IRAG2: variants seen among roughly 807,000 people sequenced by gnomAD.
IRAG2 encodes the protein inositol 1,4,5-triphosphate receptor associated 2.
Under a neutral mutation model 69.9 loss-of-function variants are expected in IRAG2, and 45 were observed. That is an observed-to-expected ratio of 0.64 (90% CI 0.51 to 0.83). The LOEUF is 0.83. Among genes scored for constraint, IRAG2 ranks in the 40% least tolerant of loss-of-function variants. The pLI, the probability that IRAG2 is intolerant of heterozygous loss-of-function variation, is 0.00. For synonymous variants in IRAG2, 193 were observed against 202.4 expected (o/e 0.95, Z 0.40); for missense variants, 520 against 587.0 (o/e 0.89, Z 1.18).
upstream of IRAG2, among the ~76,000 whole-genome samples, chr12:25,048,578 T>C (rs1591938133): frequency 6.6e-6 from 1 of 152,290 alleles, no homozygotes; most frequent in East Asian, 1.9e-4. Context: ...ATTACAGGTG[T>C]GAGCCACTGA....
upstream of IRAG2, among the ~76,000 whole-genome samples, chr12:25,051,559 T>C (rs1039233691): frequency 5.3e-5 from 8 of 152,208 alleles, no homozygotes; most frequent in African/African-American, 1.9e-4. Context: ...TAAGTGCATT[T>C]TTACATGTTT....
chr12:25,090,345 C>A, intron 14 of IRAG2, 148 bp downstream of exon 14: 1 of 630,858 alleles, frequency 1.6e-6, no homozygotes, highest in Non-Finnish European at 2.6e-6. Flanking sequence ...AGTTCAAGAT[C>A]ATCCTGGGCA....
At chr12:25,096,155 A>AT (rs199646861) in intron 14 of IRAG2, among the ~76,000 whole-genome samples, 2,121 of 152,146 alleles carry the variant, frequency 0.014, 152 homozygotes, top group Admixed American at 0.11. Flanking sequence ...AGAAAGGTTG[A>AT]TTTTTTTTGA....
intron 6 of IRAG2, among the ~76,000 whole-genome samples, chr12:25,077,755 G>A (rs922343290): frequency 6.6e-6 from 1 of 152,086 alleles, no homozygotes; most frequent in Non-Finnish European, 1.5e-5. Context: ...TTAAACTGGT[G>A]TCATGAGGGG....
chr12:25,036,212 T>C (rs1011448299), intron 14 of IRAG2, among the ~76,000 whole-genome samples: 41 of 152,252 alleles, frequency 2.7e-4, no homozygotes, highest in African/African-American at 9.2e-4. Flanking sequence ...GTCCCTTTCA[T>C]AGTGCCTAGC....
intron 16 of IRAG2, among the ~76,000 whole-genome samples, chr12:25,045,616 C>T (rs187129500): frequency 4.0e-5 from 6 of 151,804 alleles, no homozygotes; most frequent in Admixed American, 2.6e-4. Flanking sequence ...AATTAGATAA[C>T]CTAGAAGAAA....
At chr12:25,038,088 A>G (rs962111770) in exon 16 of IRAG2, 1 of 398,918 alleles carries the variant, frequency 2.5e-6, no homozygotes, top group Non-Finnish European at 4.4e-6. Flanking sequence ...AGAGATTTTG[A>G]AGAGATTCAG....
chr12:25,077,274 TG>T lies in IRAG2; in HGVS notation c.25-1969del, dbSNP rs1565562831. 4.1e-4 allele frequency among the ~76,000 whole-genome samples: 12 copies of T among 29,126 alleles called. 3 individuals carry two copies. The highest frequency in any genetic ancestry group is 1.4e-3 in the African/African-American group (12 of 8,470). The allele number at this position is 29,126 out of a possible 152,430, so 19.1% of individuals were successfully genotyped here. ...ATATGATATATATATGAAATATATATGAAATATATATGATATATATATGAAA... is the reference window on the plus strand; with the variant it reads ...ATATGATATATATATGAAATATATATAAATATATATGATATATATATGAAA... On this transcript the variant is annotated intron_variant, in intron 6 of 21. Transcript: ENST00000556887.
At chr12:25,094,870 T>G (rs1948318417) in intron 14 of IRAG2, among the ~76,000 whole-genome samples, 1 of 152,206 alleles carries the variant, frequency 6.6e-6, no homozygotes, top group Non-Finnish European at 1.5e-5. Flanking sequence ...AATTTCTTTT[T>G]TGGAAATTGT....
In IRAG2 at chr12:25,103,850, G is replaced by T; in HGVS notation, c.947G>T (p.Arg316Leu). ...TCCTTCTGGTAGCCATCTTCTCTAC[G>T]AAGAGTGACTATTGCCTCTTTACCC... ...ASLNSKPSSLRRVTIASLPRN... is the reference protein window; with the variant it reads ...ASLNSKPSSLLRVTIASLPRN... The change falls in exon 18 of 22, where the codon CGA (arginine) becomes CTA (leucine). Residue 316 changes from arginine to leucine, a missense_variant. Physicochemically the swap from Arg to Leu is moderately radical, Grantham distance 102. Coordinates refer to ENST00000556887, the MANE Select transcript of IRAG2 (RefSeq NM_001366544.2). 1 of 1,612,590 alleles carries T rather than the reference G, an allele frequency of 6.2e-7. No homozygotes were observed. The highest frequency in any genetic ancestry group is 8.5e-7 in the Non-Finnish European group (1 of 1,178,902).
At chr12:25,029,139 C>T (rs1944649144) in intron 9 of IRAG2, among the ~76,000 whole-genome samples, 1 of 152,032 alleles carries the variant, frequency 6.6e-6, no homozygotes, top group Non-Finnish European at 1.5e-5. Context: ...TGCTATGTTG[C>T]CCAAGCTGAT....
chr12:25,035,352 CT>C, intron 13 of IRAG2: 1 of 199,034 alleles, frequency 5.0e-6, no homozygotes. Flanking sequence ...TTTTTTCCCC[CT>C]GGGTATTTCT....
chr12:25,039,329 TAAG>T (rs948572826), intron 16 of IRAG2, among the ~76,000 whole-genome samples: 1 of 152,238 alleles, frequency 6.6e-6, no homozygotes, highest in African/African-American at 2.4e-5. Flanking sequence ...CTGCTTTCCC[TAAG>T]AAGCAGAGAA....
At chr12:25,088,071 T>G (rs760744080) in intron 10 of IRAG2, 29 bp from the exon 11 acceptor site, 4 of 1,494,490 alleles carry the variant, frequency 2.7e-6, no homozygotes, top group South Asian at 1.1e-5. Context: ...TTCCACTCTA[T>G]GTACAGTGGT....
At chr12:25,104,248 GA>G (rs34133737) in intron 19 of IRAG2, 112 bp from the exon 20 acceptor site, 592,249 of 846,730 alleles carry the variant, frequency 0.7, 209,888 homozygotes, top group East Asian at 0.89. Flanking sequence ...AATGTGCCAA[GA>G]AAAAAATAAT....
chr12:25,090,257 C>T, intron 14 of IRAG2, 60 bp downstream of exon 14: 1 of 1,507,642 alleles, frequency 6.6e-7, no homozygotes, highest in Non-Finnish European at 9.1e-7. Context: ...GTGGCTCACA[C>T]CTATAATCCC....
chr12:25,001,768 T>C (rs866811884), upstream of IRAG2, among the ~76,000 whole-genome samples: 11 of 145,854 alleles, frequency 7.5e-5, no homozygotes, highest in African/African-American at 2.8e-4. Context: ...ACTACTCTTT[T>C]GGTTTTTTTT....
intron 2 of IRAG2, chr12:25,011,236 T>C (rs984774329): frequency 2.8e-6 from 2 of 715,916 alleles, no homozygotes; most frequent in East Asian, 3.4e-5. Context: ...CAATATACCA[T>C]GCCAGCTCCG....
intron 15 of IRAG2, among the ~76,000 whole-genome samples, chr12:25,098,361 A>C (rs1029596524): frequency 7.2e-5 from 11 of 152,006 alleles, no homozygotes; most frequent in Non-Finnish European, 1.5e-4. Context: ...CTTTCCCCAT[A>C]TTCTCTCTCA....
Sources: allele counts gnomAD v4.1 joint callset (sites outside exome capture counted in the v4.1 genomes callset), GRCh38; gene constraint gnomAD v4.1.1; transcripts MANE v1.5; gene names NCBI Gene and HGNC (gene_info 2026-07-23, HGNC 2026-07-21).